The following FOXP1 variants were observed in gnomAD, a reference collection of about 807,000 sequenced individuals.
FOXP1 encodes forkhead box P1.
Under a neutral mutation model 98.2 loss-of-function variants are expected in FOXP1, and 15 were observed. The ratio of observed to expected loss-of-function variants is 0.15; its 90% CI spans 0.10 to 0.24. The LOEUF (loss-of-function observed/expected upper bound fraction) is 0.24. FOXP1 is among the 10% of genes least tolerant of loss of function. The pLI is 1.00. For synonymous variants in FOXP1, 371 were observed against 314.5 expected, an observed-to-expected ratio of 1.18 and a Z score of -1.90; for missense variants, 633 against 848.5, an observed-to-expected ratio of 0.75 and a Z score of 3.15.
At chr3:71,223,590 G>A (rs1353168412) in intron 5 of FOXP1, among the ~76,000 whole-genome samples, 1 of 151,534 alleles carries the variant, frequency 6.6e-6, no homozygotes, top group Admixed American at 6.6e-5. Context: ...AGCTACTCGG[G>A]AGACTGAGGC....
intron 7 of FOXP1, among the ~76,000 whole-genome samples, chr3:71,082,942 ACTC>A (rs1340013789): frequency 6.6e-6 from 1 of 152,062 alleles, no homozygotes; most frequent in Admixed American, 6.5e-5. Flanking sequence ...TATAGCACTT[ACTC>A]CTCCATCTTC....
chr3:71,065,297 C>T (rs2052328663), intron 7 of FOXP1, among the ~76,000 whole-genome samples: 1 of 152,164 alleles, frequency 6.6e-6, no homozygotes, highest in African/African-American at 2.4e-5. Context: ...TTTGTTTCGT[C>T]TTTGAGACTG....
At chr3:71,030,542 G>A (rs1171662789) in intron 11 of FOXP1, among the ~76,000 whole-genome samples, 1 of 152,172 alleles carries the variant, frequency 6.6e-6, no homozygotes, top group African/African-American at 2.4e-5. Context: ...TGCAGTGTCA[G>A]CTCCCTGAGG....
chr3:71,385,201 G>C (rs1042822851), intron 3 of FOXP1, among the ~76,000 whole-genome samples: 1 of 152,120 alleles, frequency 6.6e-6, no homozygotes, highest in Non-Finnish European at 1.5e-5. Flanking sequence ...GCAAAGGAGA[G>C]ACATACCAAC....
intron 7 of FOXP1, among the ~76,000 whole-genome samples, chr3:71,094,142 G>C (rs2056202191): frequency 6.6e-6 from 1 of 152,186 alleles, no homozygotes; most frequent in Non-Finnish European, 1.5e-5. Flanking sequence ...AGGACGCACA[G>C]TCTCTGTCGC....
chr3:71,491,079 G>T (rs952858482), intron 3 of FOXP1, among the ~76,000 whole-genome samples: 2 of 152,080 alleles, frequency 1.3e-5, no homozygotes, highest in African/African-American at 4.8e-5. Context: ...GCAGTGGCAC[G>T]ATCTCAGCTC....
intron 6 of FOXP1, among the ~76,000 whole-genome samples, chr3:71,157,118 G>T (rs67178525): frequency 0.21 from 31,790 of 152,206 alleles, 3,809 homozygotes; most frequent in East Asian, 0.5. Flanking sequence ...ATTAAATCAA[G>T]TGGCTTCAGG....
intron 14 of FOXP1, among the ~76,000 whole-genome samples, chr3:70,984,074 T>C (rs937408286): frequency 6.6e-6 from 1 of 152,210 alleles, no homozygotes; most frequent in African/African-American, 2.4e-5. Context: ...GAATAGAATC[T>C]TTTAAAATAA....
chr3:71,120,742 G>A (rs2058701509), intron 6 of FOXP1, among the ~76,000 whole-genome samples: 1 of 152,158 alleles, frequency 6.6e-6, no homozygotes, highest in Non-Finnish European at 1.5e-5. Context: ...ACTCCCTCCA[G>A]TACTTGGACC....
intron 3 of FOXP1, among the ~76,000 whole-genome samples, chr3:71,451,724 TGGG>T (rs1371284477): frequency 6.6e-6 from 1 of 152,208 alleles, no homozygotes; most frequent in Non-Finnish European, 1.5e-5. Flanking sequence ...TTTTCAACAC[TGGG>T]ACAAACACAT....
chr3:71,225,835 A>G (rs953361793), intron 5 of FOXP1, among the ~76,000 whole-genome samples: 1 of 152,210 alleles, frequency 6.6e-6, no homozygotes, highest in Non-Finnish European at 1.5e-5. Context: ...AAGGAGCTGG[A>G]TATGAGGACA....
At chr3:70,978,581 A>C (rs1363143903) in intron 14 of FOXP1, among the ~76,000 whole-genome samples, 1 of 152,176 alleles carries the variant, frequency 6.6e-6, no homozygotes, top group Non-Finnish European at 1.5e-5. Context: ...CCATGTGGCT[A>C]GTAGCTACCA....
intron 3 of FOXP1, among the ~76,000 whole-genome samples, chr3:71,472,436 T>C (rs1047652834): frequency 2.0e-4 from 27 of 136,450 alleles, no homozygotes; most frequent in African/African-American, 7.2e-4. Flanking sequence ...AAAATCATAC[T>C]TTTCCTTTTT....
chr3:70,992,368 TAGGC>T (rs1192052064), intron 13 of FOXP1, among the ~76,000 whole-genome samples: 1 of 151,920 alleles, frequency 6.6e-6, no homozygotes, highest in Non-Finnish European at 1.5e-5. Flanking sequence ...TCCAGTTACT[TAGGC>T]AGGGTATATC....
intron 5 of FOXP1, among the ~76,000 whole-genome samples, chr3:71,221,514 C>T (rs756002092): frequency 7.2e-5 from 11 of 152,216 alleles, no homozygotes; most frequent in Non-Finnish European, 1.6e-4. Context: ...TCTGCCCTCC[C>T]TTCTTTCCTT....
intron 2 of FOXP1, among the ~76,000 whole-genome samples, chr3:71,566,190 G>T (rs750230983): frequency 2.6e-5 from 4 of 152,214 alleles, no homozygotes; most frequent in Admixed American, 2.6e-4. Context: ...TATGATCACG[G>T]TAGGGAGTGA....
At chr3:71,482,756 C>T (rs913449393) in intron 3 of FOXP1, among the ~76,000 whole-genome samples, 1 of 151,780 alleles carries the variant, frequency 6.6e-6, no homozygotes, top group Non-Finnish European at 1.5e-5. Flanking sequence ...AGAAAATTCA[C>T]CTTAAATTCC....
chr3:71,190,223 A>T (rs997342963), intron 6 of FOXP1, among the ~76,000 whole-genome samples: 3 of 152,090 alleles, frequency 2.0e-5, no homozygotes, highest in Admixed American at 2.0e-4. Context: ...TAGCTAAGTA[A>T]ACTCTAAGTT....
chr3:71,161,719 G>T (rs2108144797), intron 6 of FOXP1, among the ~76,000 whole-genome samples: 1 of 152,238 alleles, frequency 6.6e-6, no homozygotes, highest in East Asian at 1.9e-4. Context: ...TGCCATCAGA[G>T]TTGTGCTTTA....
Sources: allele counts gnomAD v4.1 joint callset (sites outside exome capture counted in the v4.1 genomes callset), GRCh38; gene constraint gnomAD v4.1.1; transcripts MANE v1.5; gene names NCBI Gene and HGNC (gene_info 2026-07-23, HGNC 2026-07-21).